Variants in FAM193A observed in about 807,000 individuals in gnomAD.
The protein encoded by FAM193A is protein FAM193A.
FAM193A carries 22 observed loss-of-function variants against 126.5 expected under a neutral mutation model. The observed-to-expected ratio is 0.17, with a 90% CI of 0.12 to 0.25. The LOEUF (loss-of-function observed/expected upper bound fraction) is 0.25, where lower values mean the gene tolerates loss of function less well. Ranked by LOEUF, FAM193A falls within the 10% of genes least tolerant of loss-of-function variation. The probability of loss-of-function intolerance (pLI) is 1.00; values close to 1 mark genes in which losing one functional copy is unlikely to be tolerated. For synonymous variants in FAM193A, 761 were observed against 646.8 expected (o/e 1.18, Z -2.68); for missense variants, 1,675 against 1,672.8 (o/e 1.00, Z -0.02).
At chr4:2,706,389 T>TG (rs1718316003) in intron 19 of FAM193A, among the ~76,000 whole-genome samples, 1 of 146,398 alleles carries the variant, frequency 6.8e-6, no homozygotes, top group Non-Finnish European at 1.5e-5. Context: ...CCCTGCCTCC[T>TG]GGGTTCAAGC....
intron 20 of FAM193A, among the ~76,000 whole-genome samples, chr4:2,723,639 T>C (rs2109409174): frequency 6.6e-6 from 1 of 152,164 alleles, no homozygotes; most frequent in South Asian, 2.1e-4. Context: ...TTAGGAAGTA[T>C]GTCAGATATC....
intron 1 of FAM193A, among the ~76,000 whole-genome samples, chr4:2,586,247 A>AC (rs1740230073): frequency 6.8e-6 from 1 of 147,628 alleles, no homozygotes; most frequent in Admixed American, 6.7e-5. Flanking sequence ...TCCGTCTCAA[A>AC]AAAAAAAATA....
At chr4:2,668,882 G>A (rs1401291738) in intron 12 of FAM193A, among the ~76,000 whole-genome samples, 2 of 147,880 alleles carry the variant, frequency 1.4e-5, no homozygotes, top group Non-Finnish European at 3.0e-5. Flanking sequence ...ACACTCTGTT[G>A]TCCAGGCTAG....
In FAM193A at chr4:2,659,654, T is replaced by G; in HGVS notation, c.1486T>G (p.Cys496Gly). ...SRLSMPDCPN[C>G]NYRRRCACDD... ...GCTGAGCATGCCCGACTGCCCCAAC[T>G]GCAACTACAGGAGAAGGTAAGGCTG... is the stretch of plus-strand genomic sequence containing the variant. Residue 496 changes from cysteine to glycine, a missense_variant, in exon 9 of 21, where the codon TGC becomes GGC. Cys to Gly is a radical substitution (Grantham distance 159, BLOSUM62 -3). Transcript: ENST00000637812. The G allele has an allele frequency of 1.2e-6, 2 of 1,613,990 alleles. No individual in the cohort carries two copies. The highest frequency in any genetic ancestry group is 1.1e-5 in the South Asian group (1 of 91,074).
intron 13 of FAM193A, among the ~76,000 whole-genome samples, chr4:2,679,885 A>T (rs1329008396): frequency 6.7e-6 from 1 of 149,330 alleles, no homozygotes; most frequent in African/African-American, 2.5e-5. Context: ...TTTGAGACGG[A>T]GTCTTGCTCT....
intron 18 of FAM193A, among the ~76,000 whole-genome samples, chr4:2,698,754 C>T (rs933534800): frequency 2.6e-5 from 4 of 152,160 alleles, no homozygotes; most frequent in South Asian, 2.1e-4. Flanking sequence ...AGAACAGTTT[C>T]CATTTGTGCC....
chr4:2,598,218 T>G (rs1045874902), intron 2 of FAM193A, among the ~76,000 whole-genome samples: 1 of 152,214 alleles, frequency 6.6e-6, no homozygotes, highest in South Asian at 2.1e-4. Context: ...TCCTACAGTT[T>G]TGCTTTTTCC....
rs1560520741 is a variant in FAM193A, at chr4:2,649,373, T to TC, written c.1311+2541_1311+2542insC. On this transcript the variant is annotated intron_variant, in intron 7 of 20. Transcript: ENST00000637812. ...CTGGGTGACAGAGTGAGACCCTGTCTGAAAAAAAAAAAAAAAAAGCCAGGC... is the reference window on the plus strand; with the variant it reads ...CTGGGTGACAGAGTGAGACCCTGTCTCGAAAAAAAAAAAAAAAAAGCCAGGC... Among the ~76,000 whole-genome samples the TC allele has an allele frequency of 1.5e-4, 19 of 129,082 alleles. 1 individual carries two copies. Among genetic ancestry groups the TC allele is most frequent in the African/African-American group, 5.5e-4 (17 of 30,716 alleles). 84.7% of individuals were successfully genotyped at this position (129,082 alleles called of 152,430 possible). A position where few individuals can be genotyped will look rare whatever the true frequency, so the allele number is the denominator to read the frequency against.
At chr4:2,603,598 G>A (rs1464643246) in intron 2 of FAM193A, among the ~76,000 whole-genome samples, 4 of 148,882 alleles carry the variant, frequency 2.7e-5, no homozygotes, top group African/African-American at 9.9e-5. Context: ...CTGGGACTAC[G>A]GGTGCATGCC....
At chr4:2,635,523 C>T (rs919430946) in intron 5 of FAM193A, among the ~76,000 whole-genome samples, 3 of 152,190 alleles carry the variant, frequency 2.0e-5, no homozygotes, top group African/African-American at 4.8e-5. Flanking sequence ...GATAATGTAA[C>T]ATAAATTACA....
At chr4:2,563,536 A>C (rs4974662) in intron 1 of FAM193A, among the ~76,000 whole-genome samples, 1 of 149,522 alleles carries the variant, frequency 6.7e-6, no homozygotes, top group Non-Finnish European at 1.5e-5. Context: ...AAAAAAAAAC[A>C]AAAAAAAAAA....
rs555404854 is a variant in FAM193A at position 2,557,825 on chromosome 4, G to A, written c.255+20655G>A. ...AAATTAGCCAGGTGTGGTGGTGCAC[G>A]CCTGTAGTCCCAGCTACTCGGGAGG... On this transcript the variant is annotated intron_variant, in intron 1 of 20. Transcript: ENST00000637812. Among the ~76,000 whole-genome samples the A allele has an allele frequency of 3.3e-5, 5 of 152,046 alleles. No homozygotes were observed. The East Asian group carries it at 7.7e-4, about 24-fold the overall frequency.
Position 2,646,737 on chromosome 4 carries a change from C to T in FAM193A, c.1216C>T (p.Leu406=), listed in dbSNP as rs1560517400. The part of the protein sequence containing the change: ...TCSEDTYSTL[L]QRYQRSEEEL... ...CAGTGAGGACACATACAGTACCTTG[C>T]TGCAGAGGTACCAGCGTTCCGAGGA... Residue 406 remains leucine, a synonymous_variant, in exon 7 of 21, where the codon CTG becomes TTG. Coordinates refer to ENST00000637812, the MANE Select transcript of FAM193A (RefSeq NM_001366318.2). 2 of 1,614,058 alleles carry T rather than the reference C, an allele frequency of 1.2e-6. No homozygotes were observed. The highest frequency in any genetic ancestry group is 1.7e-5 in the Admixed American group (1 of 60,014).
intron 1 of FAM193A, among the ~76,000 whole-genome samples, chr4:2,552,996 C>T (rs1188461911): frequency 6.6e-6 from 1 of 151,642 alleles, no homozygotes; most frequent in Non-Finnish European, 1.5e-5. Context: ...TACAGGCGCC[C>T]GCCACCATGC....
At chr4:2,538,130 A>G (rs1205875608) in intron 1 of FAM193A, among the ~76,000 whole-genome samples, 11 of 152,146 alleles carry the variant, frequency 7.2e-5, no homozygotes, top group Non-Finnish European at 1.6e-4. Context: ...AGTTTTAAAG[A>G]TATTGCAATT....
chr4:2,695,641 C>T (rs1440734062), intron 17 of FAM193A, among the ~76,000 whole-genome samples: 1 of 152,038 alleles, frequency 6.6e-6, no homozygotes, highest in Non-Finnish European at 1.5e-5. Context: ...CTAAAATGTT[C>T]ACATGTTTTT....
chr4:2,588,615 G>A (rs1740362149), intron 1 of FAM193A, among the ~76,000 whole-genome samples: 1 of 152,128 alleles, frequency 6.6e-6, no homozygotes, highest in Non-Finnish European at 1.5e-5. Flanking sequence ...CTTTGGATTT[G>A]CTTCAGGTCA....
intron 19 of FAM193A, among the ~76,000 whole-genome samples, chr4:2,707,737 G>A (rs1441844033): frequency 1.4e-5 from 2 of 137,956 alleles, no homozygotes; most frequent in African/African-American, 5.4e-5. Flanking sequence ...TTTTGAGGCA[G>A]AGTCTCACTC....
intron 1 of FAM193A, among the ~76,000 whole-genome samples, chr4:2,543,149 G>A (rs983555078): frequency 1.3e-5 from 2 of 151,100 alleles, no homozygotes; most frequent in African/African-American, 4.9e-5. Context: ...GTGCCCTGGC[G>A]CAATCTTGGC....
Sources: allele counts gnomAD v4.1 joint callset (sites outside exome capture counted in the v4.1 genomes callset), GRCh38; gene constraint gnomAD v4.1.1; transcripts MANE v1.5; gene names NCBI Gene and HGNC (gene_info 2026-07-23, HGNC 2026-07-21).